Variants in VXN observed in about 807,000 individuals in gnomAD.
VXN encodes uncharacterized protein C8orf46.
In VXN, 7 loss-of-function variants were observed where a neutral mutation model predicts 23.1. The observed-to-expected ratio is 0.30, with a 90% CI of 0.17 to 0.57. The LOEUF is 0.57. Ranked by LOEUF, VXN falls within the 20% of genes least tolerant of loss-of-function variation. The probability of loss-of-function intolerance (pLI) is 0.91; values close to 1 mark genes in which losing one functional copy is unlikely to be tolerated. For missense variants in VXN, 238 were observed against 272.6 expected (o/e 0.87, Z 0.89); for synonymous variants, 120 against 105.8 (o/e 1.13, Z -0.83).
chr8:66,510,180 G>A (rs988990747), intron 4 of VXN, 23 bp downstream of exon 4: 1 of 1,574,100 alleles, frequency 6.4e-7, no homozygotes, highest in South Asian at 1.1e-5. Context: ...AGCCTGCTTA[G>A]TTGTATCTGT....
At chr8:66,504,494 G>C (rs1015669538) in intron 2 of VXN, among the ~76,000 whole-genome samples, 4 of 145,520 alleles carry the variant, frequency 2.7e-5, no homozygotes, top group African/African-American at 1.0e-4. Flanking sequence ...TCCCCTTCAC[G>C]ACTCTCCATA....
At chr8:66,495,006 C>T (rs184385912) in intron 1 of VXN, 234 of 152,150 alleles carry the variant, frequency 1.5e-3, no homozygotes, top group African/African-American at 5.5e-3. Context: ...AATAAGCAGG[C>T]TGAAAAATTA....
chr8:66,514,194 T>C (rs1372412123), intron 5 of VXN: 1 of 154,404 alleles, frequency 6.5e-6, no homozygotes, highest in Non-Finnish European at 1.4e-5. Flanking sequence ...ATTCAGCACA[T>C]ACCTGTATGC....
chr8:66,496,475 C>A lies in VXN; in HGVS notation c.109C>A (p.His37Asn), dbSNP rs571912647. The A allele has an allele frequency of 1.2e-6, 2 of 1,614,166 alleles. No individual in the cohort carries two copies. The highest frequency in any genetic ancestry group is 1.7e-6 in the Non-Finnish European group (2 of 1,179,962). Residue 37 changes from histidine (H) to asparagine (N), a missense_variant, in exon 2 of 6, where the codon CAC (histidine) becomes AAC (asparagine). Transcript: ENST00000305454. ...CAGAAGAAGAGCCAAAAGCTCTCAG[C>A]ACCTCTTGACCAAGAATGTAAGGAA... The part of the protein sequence containing the change: ...PARRRAKSSQ[H>N]LLTKNVVIES...
chr8:66,506,364 G>A (rs1807759220), intron 3 of VXN, among the ~76,000 whole-genome samples: 1 of 150,982 alleles, frequency 6.6e-6, no homozygotes, highest in Non-Finnish European at 1.5e-5. Context: ...CAAGAGTGTA[G>A]GAGTAAGTTT....
chr8:66,511,789 A>G (rs943653290), intron 4 of VXN, among the ~76,000 whole-genome samples: 4 of 152,120 alleles, frequency 2.6e-5, no homozygotes, highest in Non-Finnish European at 4.4e-5. Flanking sequence ...GGAAGAGGCC[A>G]GGCACAGTGG....
chr8:66,505,183 T>A (rs1563507236), intron 2 of VXN, 192 bp from the exon 3 acceptor site: 1 of 799,920 alleles, frequency 1.3e-6, no homozygotes, highest in South Asian at 1.5e-5. Context: ...CAGTCTGAAG[T>A]CAAATAAAAC....
At chr8:66,513,767 A>T in intron 5 of VXN, 130 bp downstream of exon 5, 1 of 651,664 alleles carries the variant, frequency 1.5e-6, no homozygotes, top group Non-Finnish European at 2.6e-6. Context: ...GCCAGCTGCA[A>T]ATTATCTTTT....
chr8:66,506,936 A>G (rs1807766747), intron 3 of VXN, among the ~76,000 whole-genome samples: 1 of 151,846 alleles, frequency 6.6e-6, no homozygotes, highest in South Asian at 2.1e-4. Context: ...GGGTGGGTGC[A>G]TGTGTGTGTG....
chr8:66,513,517 T>A (rs1285508589), intron 4 of VXN, 23 bp from the exon 5 acceptor site: 5 of 1,603,876 alleles, frequency 3.1e-6, no homozygotes, highest in Non-Finnish European at 4.3e-6. Context: ...ATCCTCACAC[T>A]CCCTCCCGCT....
chr8:66,499,729 T>A (rs61054966), intron 2 of VXN, among the ~76,000 whole-genome samples: 1,626 of 152,088 alleles, frequency 0.011, 31 homozygotes, highest in African/African-American at 0.036. Context: ...CTATTTTTTT[T>A]AATATTTTTA....
chr8:66,499,316 T>G (rs531278539), intron 2 of VXN, among the ~76,000 whole-genome samples: 1 of 144,136 alleles, frequency 6.9e-6, no homozygotes, highest in African/African-American at 2.6e-5. Context: ...CACCACAGTC[T>G]CAACCCCCTG....
At chr8:66,510,891 A>G (rs1272932486) in intron 4 of VXN, among the ~76,000 whole-genome samples, 2 of 152,154 alleles carry the variant, frequency 1.3e-5, no homozygotes, top group African/African-American at 4.8e-5. Context: ...TCCCAATACC[A>G]TACATCCAGG....
intron 1 of VXN, 98 bp downstream of exon 1, chr8:66,493,816 C>A (rs1460400204): frequency 1.3e-5 from 12 of 951,400 alleles, no homozygotes; most frequent in Non-Finnish European, 2.0e-5. Flanking sequence ...ATCCTCAGGT[C>A]TCTGGGGTCT....
Position 66,516,365 on chromosome 8 carries a change from C to A in VXN, c.*289C>A. ...TAAGCAAAAAATTAAACTTTCCCAGCTCATTTTAAAGACCTCCAAGGAAGG... is the reference window on the plus strand; with the variant it reads ...TAAGCAAAAAATTAAACTTTCCCAGATCATTTTAAAGACCTCCAAGGAAGG... On this transcript the variant is annotated 3_prime_UTR_variant, in exon 6 of 6. Coordinates refer to ENST00000305454, the MANE Select transcript of VXN (RefSeq NM_152765.4). The A allele has an allele frequency of 4.4e-6, 1 of 227,166 alleles. No individual in the cohort carries two copies. The highest frequency in any genetic ancestry group is 8.5e-6 in the Non-Finnish European group (1 of 117,740). The allele number at this position is 227,166 out of a possible 1,614,324, so 14.1% of individuals were successfully genotyped here.
intron 1 of VXN, among the ~76,000 whole-genome samples, chr8:66,495,504 C>T (rs1807616089): frequency 6.6e-6 from 1 of 152,262 alleles, no homozygotes; most frequent in African/African-American, 2.4e-5. Context: ...CAGTAGCTGG[C>T]ATGTAGTAAG....
intron 2 of VXN, among the ~76,000 whole-genome samples, chr8:66,505,042 G>C (rs1807734043): frequency 6.6e-6 from 1 of 152,342 alleles, no homozygotes; most frequent in Admixed American, 6.5e-5. Flanking sequence ...CACGTCAGGC[G>C]ACCGGGCAGC....
chr8:66,512,666 A>G (rs1217646049), intron 4 of VXN, among the ~76,000 whole-genome samples: 1 of 152,174 alleles, frequency 6.6e-6, no homozygotes, highest in Non-Finnish European at 1.5e-5. Flanking sequence ...TTACCCACAT[A>G]GACACTCAGT....
At chr8:66,500,167 T>C (rs756963646) in intron 2 of VXN, among the ~76,000 whole-genome samples, 44 of 152,334 alleles carry the variant, frequency 2.9e-4, no homozygotes, top group African/African-American at 5.1e-4. Context: ...TTTTTTCTAT[T>C]AAACAATGCC....
Sources: allele counts gnomAD v4.1 joint callset (sites outside exome capture counted in the v4.1 genomes callset), GRCh38; gene constraint gnomAD v4.1.1; transcripts MANE v1.5; gene names NCBI Gene and HGNC (gene_info 2026-07-23, HGNC 2026-07-21).